VTI1A: variants seen among roughly 807,000 people sequenced by gnomAD.
The protein encoded by VTI1A is vesicle transport through interaction with t-SNAREs 1A.
Under a neutral mutation model 34.9 loss-of-function variants are expected in VTI1A, and 22 were observed. The ratio of observed to expected loss-of-function variants is 0.63; its 90% confidence interval spans 0.45 to 0.90. The LOEUF (loss-of-function observed/expected upper bound fraction) is 0.90. Ranked by LOEUF, VTI1A falls within the 40% of genes least tolerant of loss-of-function variation. The pLI is 0.00. For synonymous variants in VTI1A, 87 were observed against 97.3 expected (o/e 0.89, Z 0.62); for missense variants, 268 against 275.6 (o/e 0.97, Z 0.20).
At chr10:112,492,875 A>T (rs1200401723) in intron 3 of VTI1A, among the ~76,000 whole-genome samples, 1 of 152,032 alleles carries the variant, frequency 6.6e-6, no homozygotes, top group Admixed American at 6.6e-5. Flanking sequence ...TAGGATATTT[A>T]TACAGTTGTT....
At chr10:112,747,854 C>A (rs1175361288) in intron 7 of VTI1A, among the ~76,000 whole-genome samples, 1 of 152,170 alleles carries the variant, frequency 6.6e-6, no homozygotes, top group East Asian at 1.9e-4. Flanking sequence ...CTAGCAATTT[C>A]CCTAGGAAGT....
chr10:112,617,410 T>C (rs573973918), intron 5 of VTI1A, among the ~76,000 whole-genome samples: 210 of 151,924 alleles, frequency 1.4e-3, no homozygotes, highest in African/African-American at 4.4e-3. Flanking sequence ...GGAAAATGAC[T>C]CCAGAAGGAA....
chr10:112,770,967 TTC>T (rs1389080056), intron 7 of VTI1A, among the ~76,000 whole-genome samples: 1 of 152,146 alleles, frequency 6.6e-6, no homozygotes, highest in Admixed American at 6.5e-5. Flanking sequence ...ATGTTCTAGC[TTC>T]TCTCTAAAGA....
At chr10:112,508,803 A>T (rs1414652191) in intron 3 of VTI1A, among the ~76,000 whole-genome samples, 1 of 152,218 alleles carries the variant, frequency 6.6e-6, no homozygotes, top group Non-Finnish European at 1.5e-5. Flanking sequence ...AAAATATACA[A>T]GTACTTTCTC....
intron 5 of VTI1A, among the ~76,000 whole-genome samples, chr10:112,618,534 G>GAGAGAGAGAGAGAGAGAGAGAGAGAA (rs1554922606): frequency 3.9e-5 from 5 of 128,838 alleles, no homozygotes; most frequent in African/African-American, 1.5e-4. Context: ...TAGAGAGAGA[G>GAGAGAGAGAGAGAGAGAGAGAGAGAA]AGAGAGAGAG....
At chr10:112,622,477 G>T (rs1401724359) in intron 5 of VTI1A, among the ~76,000 whole-genome samples, 1 of 151,396 alleles carries the variant, frequency 6.6e-6, no homozygotes, top group Non-Finnish European at 1.5e-5. Flanking sequence ...AAAAGAAGAG[G>T]TGTAATGGGA....
intron 5 of VTI1A, among the ~76,000 whole-genome samples, chr10:112,583,565 T>C (rs1042657108): frequency 2.0e-5 from 3 of 152,208 alleles, no homozygotes; most frequent in Non-Finnish European, 4.4e-5. Flanking sequence ...CTGTGGGTGC[T>C]GTGAATGGAT....
At chr10:112,846,236 G>T in the VTI1A span, among the ~76,000 whole-genome samples, 4 of 152,278 alleles carry the variant, frequency 2.6e-5, no homozygotes, top group East Asian at 7.7e-4. Flanking sequence ...ATGTTCTGTT[G>T]GATCTCCTCT....
intron 5 of VTI1A, among the ~76,000 whole-genome samples, chr10:112,613,897 C>G (rs919192474): frequency 3.3e-5 from 5 of 152,180 alleles, no homozygotes; most frequent in African/African-American, 4.8e-5. Context: ...CAATTAAGCT[C>G]ATATTGCTGT....
chr10:112,761,111 T>G (rs1318157899), intron 7 of VTI1A, among the ~76,000 whole-genome samples: 1 of 152,196 alleles, frequency 6.6e-6, no homozygotes, highest in Non-Finnish European at 1.5e-5. Context: ...CTCAGGCTCA[T>G]GCATACCATG....
chr10:112,566,717 G>A (rs1416276914), intron 5 of VTI1A, among the ~76,000 whole-genome samples: 1 of 152,082 alleles, frequency 6.6e-6, no homozygotes, highest in East Asian at 1.9e-4. Context: ...TAGTATTGTT[G>A]GCGAATGGGA....
At chr10:112,820,799 C>T (rs954649998), downstream of VTI1A, among the ~76,000 whole-genome samples, 5 of 152,058 alleles carry the variant, frequency 3.3e-5, no homozygotes, top group Admixed American at 3.3e-4. Flanking sequence ...CAGAGGCGAG[C>T]AGGGCAAAAG....
chr10:112,531,858 C>T (rs945723159), intron 4 of VTI1A, among the ~76,000 whole-genome samples: 10 of 152,040 alleles, frequency 6.6e-5, no homozygotes, highest in Non-Finnish European at 1.3e-4. Context: ...AGAAAGATTC[C>T]GATATATGAT....
At chr10:112,513,050 AT>A (rs1016633486) in intron 3 of VTI1A, among the ~76,000 whole-genome samples, 5 of 151,454 alleles carry the variant, frequency 3.3e-5, no homozygotes, top group African/African-American at 4.8e-5. Context: ...TAATTTTAAG[AT>A]TTTTTTTTAA....
chr10:112,624,118 A>G (rs1347914516), intron 5 of VTI1A, among the ~76,000 whole-genome samples: 1 of 152,190 alleles, frequency 6.6e-6, no homozygotes, highest in Non-Finnish European at 1.5e-5. Context: ...CCATATTTAT[A>G]ATATGTTGCT....
At chr10:112,531,061 C>CCT (rs1554896984) in intron 4 of VTI1A, among the ~76,000 whole-genome samples, 3 of 90,240 alleles carry the variant, frequency 3.3e-5, no homozygotes, top group Non-Finnish European at 5.0e-5. Flanking sequence ...ACGTGACACA[C>CCT]CTCACACACA....
chr10:112,774,121 A>G (rs895743406), intron 7 of VTI1A, among the ~76,000 whole-genome samples: 2 of 152,218 alleles, frequency 1.3e-5, no homozygotes, highest in African/African-American at 4.8e-5. Flanking sequence ...GGCCGTGGAA[A>G]CTGGAATGTT....
intron 5 of VTI1A, among the ~76,000 whole-genome samples, chr10:112,541,913 G>T (rs1291663591): frequency 6.6e-6 from 1 of 152,174 alleles, no homozygotes; most frequent in Admixed American, 6.5e-5. Flanking sequence ...CACTACACTG[G>T]TTGCATGAAC....
chr10:112,797,985 T>A (rs924949883), intron 7 of VTI1A, among the ~76,000 whole-genome samples: 2 of 152,148 alleles, frequency 1.3e-5, no homozygotes, highest in African/African-American at 2.4e-5. Flanking sequence ...TTTCCCCTGC[T>A]CTGATGAGAG....
Sources: allele counts gnomAD v4.1 joint callset (sites outside exome capture counted in the v4.1 genomes callset), GRCh38; gene constraint gnomAD v4.1.1; transcripts MANE v1.5; gene names NCBI Gene and HGNC (gene_info 2026-07-23, HGNC 2026-07-21).